Variants in CDH6 observed in about 807,000 individuals in gnomAD.
CDH6 encodes the protein cadherin-6.
A neutral mutation model predicts 78.0 loss-of-function variants in CDH6; 31 were observed. The ratio of observed to expected loss-of-function variants is 0.40; its 90% CI spans 0.30 to 0.54. The LOEUF (loss-of-function observed/expected upper bound fraction) is 0.54, where lower values mean the gene tolerates loss of function less well. CDH6 is among the 20% of genes least tolerant of loss of function. CDH6 has a pLI of 0.56. For synonymous variants in CDH6, 376 were observed against 368.8 expected (o/e 1.02, Z -0.23); for missense variants, 724 against 975.9 (o/e 0.74, Z 3.44).
chr5:31,291,656 C>T (rs988550063), intron 2 of CDH6, among the ~76,000 whole-genome samples: 5 of 152,176 alleles, frequency 3.3e-5, no homozygotes, highest in African/African-American at 4.8e-5. Flanking sequence ...AGCAAGGATC[C>T]GCCAGGTGGT....
Position 31,267,836 on chromosome 5 carries a change from T to C in CDH6, c.228+135T>C, listed in dbSNP as rs867722374. On this transcript the variant is annotated intron_variant, in intron 2 of 11. Coordinates refer to ENST00000265071, the MANE Select transcript of CDH6 (RefSeq NM_004932.4). ...TGCTTAACTGGTAAGACTTTTTTTT[T>C]TTCCACTTGAGTAGTTTCGGGAAGA... 11 of 660,864 alleles carry C rather than the reference T, an allele frequency of 1.7e-5. No individual in the cohort carries two copies. In the Middle Eastern group the frequency reaches 1.9e-3, roughly 117 times the overall value. The allele number at this position is 660,864 out of a possible 1,614,324, so 40.9% of individuals were successfully genotyped here. A position where few individuals can be genotyped will look rare whatever the true frequency, so the allele number is the denominator to read the frequency against.
At chr5:31,194,304 G>C (rs910137242) in intron 1 of CDH6, among the ~76,000 whole-genome samples, 1 of 152,194 alleles carries the variant, frequency 6.6e-6, no homozygotes, top group Non-Finnish European at 1.5e-5. Context: ...TGCAGGTCCC[G>C]CCGAGCCGTT....
chr5:31,212,453 A>G (rs1437461528), intron 1 of CDH6, among the ~76,000 whole-genome samples: 3 of 152,172 alleles, frequency 2.0e-5, no homozygotes, highest in African/African-American at 7.2e-5. Flanking sequence ...CTGAAACGTG[A>G]TTTGGCTGAA....
chr5:31,211,764 C>G (rs1178905691), intron 1 of CDH6, among the ~76,000 whole-genome samples: 1 of 152,074 alleles, frequency 6.6e-6, no homozygotes. Context: ...TGTTCTTGAT[C>G]TTGTTTGTAT....
At chr5:31,303,713 T>A (rs1015576995) in intron 6 of CDH6, among the ~76,000 whole-genome samples, 1 of 152,212 alleles carries the variant, frequency 6.6e-6, no homozygotes, top group East Asian at 1.9e-4. Context: ...ACTATAATCT[T>A]TTCTGGTAAA....
At chr5:31,264,119 C>G (rs570936902) in intron 1 of CDH6, among the ~76,000 whole-genome samples, 6 of 152,270 alleles carry the variant, frequency 3.9e-5, no homozygotes, top group African/African-American at 1.4e-4. Flanking sequence ...GAATTGAAGT[C>G]CACACAAAAG....
intron 1 of CDH6, among the ~76,000 whole-genome samples, chr5:31,201,022 C>T (rs1460966503): frequency 6.6e-6 from 1 of 152,066 alleles, no homozygotes; most frequent in Non-Finnish European, 1.5e-5. Context: ...ATTTTGTTCT[C>T]TTATCTCTAT....
At chr5:31,202,499 T>C (rs1740381445) in intron 1 of CDH6, among the ~76,000 whole-genome samples, 1 of 151,988 alleles carries the variant, frequency 6.6e-6, no homozygotes, top group Admixed American at 6.6e-5. Context: ...TAGCCAGATA[T>C]GGTGGCAGGC....
rs763196951 is a variant in CDH6, at chr5:31,299,537, G to A, written c.717G>A (p.Lys239=). 1.9e-5 allele frequency: 31 copies of A among 1,613,846 alleles called. 2 individuals carry two copies. The South Asian group carries it at 3.4e-4, about 18-fold the overall frequency. ...REQYQVVIQA[K]DMGGQMGGLS... ...AGTACCAAGTGGTGATTCAAGCCAA[G>A]GATATGGGCGGCCAGATGGGAGGAT... The change falls in exon 5 of 12, where the codon AAG becomes AAA. Residue 239 remains lysine, a synonymous_variant. Coordinates refer to ENST00000265071, the MANE Select transcript of CDH6 (RefSeq NM_004932.4).
intron 1 of CDH6, among the ~76,000 whole-genome samples, chr5:31,264,933 C>T (rs1223067351): frequency 2.0e-5 from 3 of 152,192 alleles, no homozygotes; most frequent in African/African-American, 7.2e-5. Flanking sequence ...AGAGTTTGCA[C>T]ACAACACCCA....
At chr5:31,204,053 T>C (rs1183030731) in intron 1 of CDH6, among the ~76,000 whole-genome samples, 1 of 152,252 alleles carries the variant, frequency 6.6e-6, no homozygotes, top group Non-Finnish European at 1.5e-5. Flanking sequence ...CCATAACTTT[T>C]GCATTCATAG....
chr5:31,230,254 A>T (rs904006154), intron 1 of CDH6, among the ~76,000 whole-genome samples: 6 of 152,222 alleles, frequency 3.9e-5, no homozygotes, highest in African/African-American at 1.2e-4. Flanking sequence ...CTTAACTTGC[A>T]TGGGAGAAAA....
chr5:31,232,468 G>A (rs78638556), intron 1 of CDH6, among the ~76,000 whole-genome samples: 4,264 of 152,242 alleles, frequency 0.028, 198 homozygotes, highest in African/African-American at 0.098. Context: ...AGGAATCTTA[G>A]AGCTCCCTCA....
chr5:31,328,585 G>A lies in CDH6; in HGVS notation c.*5277G>A, dbSNP rs1422239978. The A allele has an allele frequency of 4.9e-6, 1 of 204,616 alleles. No homozygotes were observed. The highest frequency in any genetic ancestry group is 2.3e-5 in the African/African-American group (1 of 43,718). The allele number at this position is 204,616 out of a possible 1,614,324, so 12.7% of individuals were successfully genotyped here. The stretch of plus-strand genomic sequence containing the variant: ...GTAGGCCTTATAATAAATGCTATGT[G>A]CGTCTTCAGTAGTTCCAAGCTAAAG... On this transcript the variant is annotated 3_prime_UTR_variant, in exon 12 of 12. Coordinates refer to ENST00000265071, the MANE Select transcript of CDH6 (RefSeq NM_004932.4).
At chr5:31,297,766 C>T (rs1456552135) in intron 4 of CDH6, among the ~76,000 whole-genome samples, 1 of 152,102 alleles carries the variant, frequency 6.6e-6, no homozygotes, top group Non-Finnish European at 1.5e-5. Context: ...TCTCTCTATT[C>T]TGCTCTGAAA....
At chr5:31,231,954 A>C (rs1258739401) in intron 1 of CDH6, among the ~76,000 whole-genome samples, 1 of 152,178 alleles carries the variant, frequency 6.6e-6, no homozygotes, top group Non-Finnish European at 1.5e-5. Flanking sequence ...GCCTACTATA[A>C]TTATGTTTCT....
At chr5:31,195,153 C>G (rs1158508726) in intron 1 of CDH6, among the ~76,000 whole-genome samples, 1 of 151,958 alleles carries the variant, frequency 6.6e-6, no homozygotes. Flanking sequence ...CTCTGCGAAT[C>G]TTCACTTTCA....
chr5:31,298,825 G>A (rs947527260), intron 4 of CDH6, among the ~76,000 whole-genome samples: 2 of 152,082 alleles, frequency 1.3e-5, no homozygotes, highest in Non-Finnish European at 2.9e-5. Flanking sequence ...TCAGCTTTAG[G>A]AATTCTAAAA....
intron 4 of CDH6, 82 bp from the exon 5 acceptor site, chr5:31,299,382 G>T: frequency 8.9e-7 from 1 of 1,129,612 alleles, no homozygotes. Flanking sequence ...GTGGGTGACA[G>T]TTTATGTTGT....
Sources: gnomAD v4.1 joint callset for allele counts (sites outside exome capture counted in the v4.1 genomes callset) on GRCh38, gnomAD v4.1.1 for gene constraint, MANE v1.5 for transcripts, NCBI Gene and HGNC (gene_info 2026-07-23, HGNC 2026-07-21) for gene names.